Variants in C12orf42 observed in about 807,000 individuals in gnomAD.
The protein encoded by C12orf42 is uncharacterized protein C12orf42.
In C12orf42, 25 loss-of-function variants were observed where a neutral mutation model predicts 21.6. The ratio of observed to expected loss-of-function variants is 1.16; its 90% CI spans 0.84 to 1.62. C12orf42 has a LOEUF of 1.62. C12orf42 is among the 40% of genes most tolerant of loss of function. The pLI is 0.00. For missense variants in C12orf42, 483 were observed against 459.3 expected (o/e 1.05, Z -0.47); for synonymous variants, 174 against 175.0 (o/e 0.99, Z 0.05).
At chr12:103,052,991 C>T in the C12orf42 span, among the ~76,000 whole-genome samples, 1 of 151,932 alleles carries the variant, frequency 6.6e-6, no homozygotes, top group African/African-American at 2.4e-5. Flanking sequence ...ACTCTATCCC[C>T]TTTATCTTCG....
intron 4 of C12orf42, among the ~76,000 whole-genome samples, chr12:103,317,190 G>A (rs148133580): frequency 6.6e-6 from 1 of 152,320 alleles, no homozygotes; most frequent in African/African-American, 2.4e-5. Context: ...TGCTACAAGA[G>A]GAAGAGGCAT....
At chr12:103,474,267 A>G (rs1953860633) in intron 2 of C12orf42, among the ~76,000 whole-genome samples, 1 of 152,212 alleles carries the variant, frequency 6.6e-6, no homozygotes, top group Non-Finnish European at 1.5e-5. Context: ...AAAGTTGGAA[A>G]ACAGCACCAG....
chr12:103,510,411 A>G, the C12orf42 span, among the ~76,000 whole-genome samples: 1 of 152,124 alleles, frequency 6.6e-6, no homozygotes, highest in Non-Finnish European at 1.5e-5. Flanking sequence ...TTCAGTGTAT[A>G]CTGCTTGGGT....
At chr12:103,314,113 A>T (rs948138841) in intron 4 of C12orf42, among the ~76,000 whole-genome samples, 1 of 152,220 alleles carries the variant, frequency 6.6e-6, no homozygotes, top group African/African-American at 2.4e-5. Context: ...GGAAAAAAAG[A>T]GTATCCCAGC....
chr12:103,488,446 G>A (rs1954980275), intron 1 of C12orf42, among the ~76,000 whole-genome samples: 1 of 152,170 alleles, frequency 6.6e-6, no homozygotes, highest in Non-Finnish European at 1.5e-5. Flanking sequence ...TGCTCTTCTT[G>A]CGGAGTATCT....
intron 2 of C12orf42, among the ~76,000 whole-genome samples, chr12:103,446,169 G>C (rs964710952): frequency 2.0e-5 from 3 of 151,930 alleles, no homozygotes; most frequent in Admixed American, 2.0e-4. Flanking sequence ...ATATTTCTCA[G>C]CAGAAACCCT....
intron 3 of C12orf42, among the ~76,000 whole-genome samples, chr12:103,370,794 C>T (rs1222248425): frequency 1.3e-5 from 2 of 152,038 alleles, no homozygotes; most frequent in South Asian, 2.1e-4. Context: ...TGCTTATTAC[C>T]TGGTGAGGAA....
At chr12:103,354,748 G>T (rs982128542) in intron 4 of C12orf42, among the ~76,000 whole-genome samples, 4 of 152,104 alleles carry the variant, frequency 2.6e-5, no homozygotes, top group South Asian at 2.1e-4. Context: ...TGTAGAGATG[G>T]TGTCTCACTA....
chr12:103,275,740 ATTTTTTT>A (rs202030025), intron 5 of C12orf42, among the ~76,000 whole-genome samples: 19 of 139,748 alleles, frequency 1.4e-4, no homozygotes, highest in Non-Finnish European at 2.5e-4. Context: ...ATCAAGTAGG[ATTTTTTT>A]TTTTTTTTTT....
chr12:103,223,365 G>C, the C12orf42 span, among the ~76,000 whole-genome samples: 1 of 152,144 alleles, frequency 6.6e-6, no homozygotes, highest in African/African-American at 2.4e-5. Context: ...AGAATGATTG[G>C]TGATGGCCTG....
At chr12:103,176,340 C>T in the C12orf42 span, among the ~76,000 whole-genome samples, 1 of 152,196 alleles carries the variant, frequency 6.6e-6, no homozygotes, top group African/African-American at 2.4e-5. Context: ...CTTTCTATCC[C>T]TGTGACCTTA....
the C12orf42 span, among the ~76,000 whole-genome samples, chr12:103,546,199 C>T: frequency 1.3e-5 from 2 of 152,090 alleles, no homozygotes; most frequent in African/African-American, 2.4e-5. Flanking sequence ...AATTGAATCT[C>T]GGAAACTCAG....
intron 2 of C12orf42, among the ~76,000 whole-genome samples, chr12:103,468,584 G>A (rs1953328190): frequency 6.6e-6 from 1 of 152,144 alleles, no homozygotes; most frequent in African/African-American, 2.4e-5. Context: ...TCTGGACTAA[G>A]AGGCAATCCT....
the C12orf42 span, among the ~76,000 whole-genome samples, chr12:103,095,745 G>A: frequency 1.3e-5 from 2 of 152,152 alleles, no homozygotes; most frequent in Non-Finnish European, 2.9e-5. Flanking sequence ...ATCAATTCCT[G>A]ACACATAGTA....
intron 4 of C12orf42, among the ~76,000 whole-genome samples, chr12:103,339,505 T>C (rs146229549): frequency 2.6e-5 from 4 of 152,194 alleles, no homozygotes; most frequent in African/African-American, 9.6e-5. Flanking sequence ...CCTCTATCCA[T>C]CCATGTCCAT....
intron 2 of C12orf42, among the ~76,000 whole-genome samples, chr12:103,437,168 T>C (rs1043565605): frequency 1.3e-5 from 2 of 151,422 alleles, no homozygotes; most frequent in Admixed American, 6.6e-5. Flanking sequence ...GGATACATAA[T>C]GAAATGAAGG....
chr12:103,467,658 A>G (rs1953252896), intron 2 of C12orf42, among the ~76,000 whole-genome samples: 1 of 152,232 alleles, frequency 6.6e-6, no homozygotes, highest in Non-Finnish European at 1.5e-5. Flanking sequence ...AGGACTTTAG[A>G]GGACTGGACT....
intron 5 of C12orf42, among the ~76,000 whole-genome samples, chr12:103,272,101 T>C (rs1470984201): frequency 6.6e-6 from 1 of 151,926 alleles, no homozygotes; most frequent in Non-Finnish European, 1.5e-5. Context: ...ATCTAAGAGG[T>C]GAGAACAAGG....
At chr12:103,432,854 A>G (rs970040933) in intron 2 of C12orf42, among the ~76,000 whole-genome samples, 1 of 152,190 alleles carries the variant, frequency 6.6e-6, no homozygotes, top group African/African-American at 2.4e-5. Flanking sequence ...AAGGAATCAA[A>G]CCTGCCAGCA....
Sources: allele counts gnomAD v4.1 joint callset (sites outside exome capture counted in the v4.1 genomes callset), GRCh38; gene constraint gnomAD v4.1.1; transcripts MANE v1.5; gene names NCBI Gene and HGNC (gene_info 2026-07-23, HGNC 2026-07-21).